TNK2: variants seen among roughly 807,000 people sequenced by gnomAD.
TNK2 encodes activated CDC42 kinase 1.
Under a neutral mutation model 101.8 loss-of-function variants are expected in TNK2, and 83 were observed. That is an observed-to-expected ratio of 0.82 (90% CI 0.68 to 0.98). The LOEUF (loss-of-function observed/expected upper bound fraction) is 0.98, where lower values mean the gene tolerates loss of function less well. Ranked by LOEUF, TNK2 falls within the 50% of genes least tolerant of loss-of-function variation. TNK2 has a pLI of 0.00. For synonymous variants in TNK2, 804 were observed against 633.0 expected, an observed-to-expected ratio of 1.27 and a Z score of -4.06; for missense variants, 1,665 against 1,483.2, an observed-to-expected ratio of 1.12 and a Z score of -2.01.
chr3:195,883,364 G>A (rs1221300478), intron 4 of TNK2, 55 bp from the exon 5 acceptor site: 58 of 1,599,270 alleles, frequency 3.6e-5, no homozygotes, highest in South Asian at 2.6e-4. Flanking sequence ...CAGACACGCG[G>A]AGCCAACCTG....
At chr3:195,889,521 A>AAT (rs1396835558) in intron 1 of TNK2, among the ~76,000 whole-genome samples, 2 of 152,202 alleles carry the variant, frequency 1.3e-5, no homozygotes, top group Admixed American at 1.3e-4. Context: ...TCCCTACACG[A>AAT]ATATTCACGC....
rs531742135 is a variant in TNK2 at position 195,882,535 on chromosome 3, G to A, written c.610-207C>T. ...AATTTGGGAAACTGATGCCTAGAGA[G>A]AAGGAGCCCAAAGAGGCAGTGGCTA... On this transcript the variant is annotated intron_variant, in intron 5 of 15. Coordinates refer to ENST00000672887, the MANE Select transcript of TNK2 (RefSeq NM_001382273.1). The surrounding 1 kb of genome is among the most constrained non-coding windows in gnomAD (Gnocchi z 4.2). The A allele has an allele frequency of 1.6e-3, 2,450 of 1,531,408 alleles. 4 individuals are homozygous for A. Among genetic ancestry groups the A allele is most frequent in the Non-Finnish European group, 2.0e-3 (2,276 of 1,144,140 alleles). The allele number at this position is 1,531,408 out of a possible 1,614,324, so 94.9% of individuals were successfully genotyped here. A position where few individuals can be genotyped will look rare whatever the true frequency, so the allele number is the denominator to read the frequency against.
At chr3:195,899,761 C>A (rs1209695963) in intron 1 of TNK2, among the ~76,000 whole-genome samples, 1 of 152,352 alleles carries the variant, frequency 6.6e-6, no homozygotes, top group African/African-American at 2.4e-5. Flanking sequence ...GTCTGTACAT[C>A]GTAAGGGAAC....
At chr3:195,876,915 A>G (rs1044459813) in intron 9 of TNK2, among the ~76,000 whole-genome samples, 7 of 152,168 alleles carry the variant, frequency 4.6e-5, no homozygotes, top group African/African-American at 1.7e-4. Context: ...GCAGGCACAC[A>G]GGCTCCTGCT....
Position 195,867,480 on chromosome 3 carries a change from T to A in TNK2, c.2818A>T (p.Thr940Ser), listed in dbSNP as rs1553902307. The change falls in exon 13 of 16, where the codon ACC becomes TCC. Residue 940 changes from threonine (T) to serine (S), a missense_variant. Physicochemically the swap from Thr to Ser is moderately conservative, Grantham distance 58 (BLOSUM62 1). Coordinates refer to ENST00000672887, the MANE Select transcript of TNK2 (RefSeq NM_001382273.1). The stretch of plus-strand genomic sequence containing the variant: ...CGGGCCCCTGGGTTGCTGTTGTTGG[T>A]GGAGAAGTTGGCCTTGGGGTCCAAG... ...AALDPKANFS[T>S]NNSNPGARPP... 1.9e-6 allele frequency: 3 copies of A among 1,570,830 alleles called. No homozygotes were observed. The highest frequency in any genetic ancestry group is 2.6e-6 in the Non-Finnish European group (3 of 1,167,030).
chr3:195,901,161 C>A (rs1169530980), intron 1 of TNK2, among the ~76,000 whole-genome samples: 2 of 152,166 alleles, frequency 1.3e-5, no homozygotes, highest in African/African-American at 4.8e-5. Flanking sequence ...ACCTTAAATC[C>A]CACTGGACCC....
chr3:195,878,184 G>C lies in TNK2; in HGVS notation c.1256+69C>G, dbSNP rs1750506241. ...GGAATCTTGGAGGCCAAACAGATCT[G>C]TCCACAGGTCCCTCCGACCTGTGCC... On this transcript the variant is annotated intron_variant, in intron 9 of 15. Coordinates refer to ENST00000672887, the MANE Select transcript of TNK2 (RefSeq NM_001382273.1). The surrounding 1 kb of genome is among the most constrained non-coding windows in gnomAD (Gnocchi z 4.7). 1.3e-6 allele frequency: 2 copies of C among 1,527,536 alleles called. No individual in the cohort carries two copies. Among genetic ancestry groups the C allele is most frequent in the African/African-American group, 1.4e-5 (1 of 73,158 alleles). The allele number at this position is 1,527,536 out of a possible 1,614,324, so 94.6% of individuals were successfully genotyped here.
At chr3:195,883,517 G>A in intron 4 of TNK2, 1 of 560,214 alleles carries the variant, frequency 1.8e-6, no homozygotes, top group South Asian at 2.4e-5. Context: ...AGGAGCCATC[G>A]TCGGCCACAC....
intron 9 of TNK2, among the ~76,000 whole-genome samples, chr3:195,877,927 G>A (rs1475930612): frequency 1.3e-5 from 2 of 152,116 alleles, no homozygotes; most frequent in Non-Finnish European, 1.5e-5. Context: ...AAGCGGGGAG[G>A]AGCAGAGGAG....
chr3:195,897,885 T>C (rs1392404763), intron 1 of TNK2, among the ~76,000 whole-genome samples: 2 of 143,220 alleles, frequency 1.4e-5, no homozygotes, highest in Non-Finnish European at 3.0e-5. Flanking sequence ...TGAACTCATG[T>C]TTCCTTCTAT....
In TNK2 at chr3:195,895,364, G is replaced by A; in HGVS notation, c.-18-6758C>T. ...CAGCGCCCGCAGCCCCCGCCCCGCA[G>A]CGGCACCGGCAGCGTCACTGCCCTG... On this transcript the variant is annotated intron_variant, in intron 1 of 15. Coordinates refer to ENST00000672887, the MANE Select transcript of TNK2 (RefSeq NM_001382273.1). The A allele has an allele frequency of 6.4e-7, 1 of 1,557,902 alleles. No individual in the cohort carries two copies.
Position 195,868,054 on chromosome 3 carries a change from A to AC in TNK2, c.2243dup (p.Asp749Ter), listed in dbSNP as rs1197892146. On this transcript the variant is annotated frameshift_variant, in exon 13 of 16. Transcript: ENST00000672887. LOFTEE classifies it high-confidence loss of function. Reference sequence around the variant, plus strand: ...GAGGAGGCACCTGGGGCTTGTCGTCACCCCCCGGGCTGGGAGAGGGGGCCG... The same window carrying AC: ...GAGGAGGCACCTGGGGCTTGTCGTCACCCCCCCGGGCTGGGAGAGGGGGCCG... 3 of 1,597,950 alleles carry AC rather than the reference A, an allele frequency of 1.9e-6. No individual in the cohort carries two copies. The highest frequency in any genetic ancestry group is 1.7e-5 in the Admixed American group (1 of 58,330).
Position 195,882,782 on chromosome 3 carries a change from C to T in TNK2, c.609+375G>A, listed in dbSNP as rs763734030. On this transcript the variant is annotated intron_variant, in intron 5 of 15. Coordinates refer to ENST00000672887, the MANE Select transcript of TNK2 (RefSeq NM_001382273.1). The surrounding 1 kb of genome is among the most constrained non-coding windows in gnomAD (Gnocchi z 4.2). ...CTGAGGCAGGAATATCGCGTGAACCCAGGAGGCCGAGGTTGCAGTGAGCCT... is the reference window on the plus strand; with the variant it reads ...CTGAGGCAGGAATATCGCGTGAACCTAGGAGGCCGAGGTTGCAGTGAGCCT... 6.6e-6 allele frequency among the ~76,000 whole-genome samples: 1 copy of T among 152,182 alleles called. No homozygotes were observed. Among genetic ancestry groups the T allele is most frequent in the Non-Finnish European group, 1.5e-5 (1 of 68,028 alleles).
chr3:195,868,826 T>A, intron 12 of TNK2, 117 bp from the exon 13 acceptor site: 1 of 1,263,670 alleles, frequency 7.9e-7, no homozygotes, highest in Non-Finnish European at 1.0e-6. Context: ...CACTCCCAAC[T>A]CCCCCCGAGG....
At chr3:195,872,580 C>T in intron 9 of TNK2, 110 bp from the exon 10 acceptor site, 1 of 1,184,312 alleles carries the variant, frequency 8.4e-7, no homozygotes, top group East Asian at 2.6e-5. Flanking sequence ...GAGCTCAGGC[C>T]TCAGGACCAG....
Position 195,888,634 on chromosome 3 carries a change from A to C in TNK2, c.-18-28T>G. ...GTGGGGGGAGGAGTGGCTCAGGGAC[A>C]AGGGTTGTGGGGGGACAACAGGGGC... On this transcript the variant is annotated intron_variant, in intron 1 of 15. Coordinates refer to ENST00000672887, the MANE Select transcript of TNK2 (RefSeq NM_001382273.1). The surrounding 1 kb of genome is among the most constrained non-coding windows in gnomAD (Gnocchi z 5.3). 6.3e-7 allele frequency: 1 copy of C among 1,590,676 alleles called. No individual in the cohort carries two copies.
Position 195,864,057 on chromosome 3 carries a change from C to T in TNK2, c.*124G>A. ...GCCTCCCGCAGCCTTGGCCTTGCTC[C>T]ATCCCCGGGAGCAGCAGGAGCAGCG... is the stretch of plus-strand genomic sequence containing the variant. On this transcript the variant is annotated 3_prime_UTR_variant, in exon 16 of 16. Transcript: ENST00000672887. 2.2e-6 allele frequency: 3 copies of T among 1,379,016 alleles called. No individual in the cohort carries two copies. The highest frequency in any genetic ancestry group is 2.5e-5 in the South Asian group (2 of 81,138). 85.4% of individuals were successfully genotyped at this position (1,379,016 alleles called of 1,614,324 possible).
rs1218716551 is a variant in TNK2, at chr3:195,886,619, T to C, written c.234+358A>G. Reference sequence around the variant, plus strand: ...GGAAGCCAAGCAAAGACGTTCTGGGTCCAGACAGGTCCACCACCCCACGCT... The same window carrying C: ...GGAAGCCAAGCAAAGACGTTCTGGGCCCAGACAGGTCCACCACCCCACGCT... On this transcript the variant is annotated intron_variant, in intron 3 of 15. Transcript: ENST00000672887. The surrounding 1 kb of genome is among the most constrained non-coding windows in gnomAD (Gnocchi z 4.2). Among the ~76,000 whole-genome samples, 1 of 151,822 alleles carries C rather than the reference T, an allele frequency of 6.6e-6. No individual in the cohort carries two copies. The highest frequency in any genetic ancestry group is 2.4e-5 in the African/African-American group (1 of 41,314).
chr3:195,881,567 A>G (rs199517894), intron 6 of TNK2, among the ~76,000 whole-genome samples: 12 of 64,376 alleles, frequency 1.9e-4, no homozygotes, highest in East Asian at 1.6e-3. Context: ...AAGAGGACAC[A>G]GCATCTATCC....
Sources: gnomAD v4.1 joint callset for allele counts (sites outside exome capture counted in the v4.1 genomes callset) on GRCh38, gnomAD v4.1.1 for gene constraint, Gnocchi (gnomAD v3.1) non-coding constraint, MANE v1.5 for transcripts, NCBI Gene and HGNC (gene_info 2026-07-23, HGNC 2026-07-21) for gene names.